The following KCTD8 variants were observed in gnomAD, a reference collection of about 807,000 sequenced individuals.
KCTD8 encodes BTB/POZ domain-containing protein KCTD8.
KCTD8 carries 27 observed loss-of-function variants against 31.5 expected under a neutral mutation model. The ratio of observed to expected loss-of-function variants is 0.86; its 90% CI spans 0.63 to 1.18. The LOEUF (loss-of-function observed/expected upper bound fraction) is 1.18. KCTD8 is among the 50% of genes most tolerant of loss of function. The pLI, the probability that KCTD8 is intolerant of heterozygous loss-of-function variation, is 0.00. For synonymous variants in KCTD8, 290 were observed against 280.0 expected (o/e 1.04, Z -0.36); for missense variants, 658 against 647.7 (o/e 1.02, Z -0.17).
chr4:44,316,619 G>A (rs1383374466), intron 1 of KCTD8, among the ~76,000 whole-genome samples: 2 of 151,820 alleles, frequency 1.3e-5, no homozygotes, highest in African/African-American at 2.4e-5. Context: ...ATTGAGGTAT[G>A]TCAGCAGGTA....
chr4:44,394,068 T>C (rs145845372), intron 1 of KCTD8, among the ~76,000 whole-genome samples: 1 of 152,040 alleles, frequency 6.6e-6, no homozygotes, highest in Non-Finnish European at 1.5e-5. Flanking sequence ...TACTTTCTCA[T>C]TAAATCATTA....
chr4:44,274,233 C>G (rs551269693), intron 1 of KCTD8, among the ~76,000 whole-genome samples: 1 of 151,986 alleles, frequency 6.6e-6, no homozygotes, highest in Non-Finnish European at 1.5e-5. Flanking sequence ...AACTTTCTAA[C>G]TTTAGCAAAG....
At chr4:44,334,415 G>GC (rs1553901962) in intron 1 of KCTD8, among the ~76,000 whole-genome samples, 1 of 151,556 alleles carries the variant, frequency 6.6e-6, no homozygotes, top group Non-Finnish European at 1.5e-5. Context: ...ATCCTCGCTA[G>GC]TTTTTTTATG....
In KCTD8 at chr4:44,291,551, A is replaced by G. The variant is rs116571649; in HGVS notation, c.962-116301T>C. Among the ~76,000 whole-genome samples the G allele has an allele frequency of 8.7e-4, 132 of 152,252 alleles. 1 individual carries two copies. The highest frequency in any genetic ancestry group is 3.1e-3 in the African/African-American group (128 of 41,562). ...GAAAAGCTAGGAAATACCCTTCCCG[A>G]CATTGATCTTGGCTAAGAATTTACG... On this transcript the variant is annotated intron_variant, in intron 1 of 1. Transcript: ENST00000360029.
At chr4:44,430,848 C>T (rs535864969) in intron 1 of KCTD8, among the ~76,000 whole-genome samples, 1 of 151,654 alleles carries the variant, frequency 6.6e-6, no homozygotes, top group South Asian at 2.1e-4. Context: ...TCACCTTTTA[C>T]TCCACCTCCC....
chr4:44,273,120 T>A (rs1716659060), intron 1 of KCTD8, among the ~76,000 whole-genome samples: 1 of 151,958 alleles, frequency 6.6e-6, no homozygotes, highest in Non-Finnish European at 1.5e-5. Context: ...AACAGCTAAC[T>A]TTTTAGCAGC....
At chr4:44,428,700 A>G (rs1269487690) in intron 1 of KCTD8, among the ~76,000 whole-genome samples, 1 of 151,720 alleles carries the variant, frequency 6.6e-6, no homozygotes, top group Admixed American at 6.6e-5. Flanking sequence ...ATTCCCTTCA[A>G]CTCTAAAAGG....
chr4:44,285,843 T>C lies in KCTD8; in HGVS notation c.962-110593A>G, dbSNP rs1036420738. Among the ~76,000 whole-genome samples the C allele has an allele frequency of 2.6e-5, 4 of 152,146 alleles. No homozygotes were observed. In the South Asian group the frequency reaches 8.3e-4, roughly 32 times the overall value. On this transcript the variant is annotated intron_variant, in intron 1 of 1. Transcript: ENST00000360029. ...TGATTCCTCTGATGGATTCCTCTGA[T>C]GGTAAAGTAAACTGAAAACTTGGAA...
intron 1 of KCTD8, among the ~76,000 whole-genome samples, chr4:44,327,212 T>C (rs1366646928): frequency 6.6e-6 from 1 of 151,892 alleles, no homozygotes; most frequent in African/African-American, 2.4e-5. Flanking sequence ...AAAACACACA[T>C]TTTTTGCTGT....
intron 1 of KCTD8, among the ~76,000 whole-genome samples, chr4:44,245,445 T>C (rs1175804351): frequency 1.3e-5 from 2 of 152,136 alleles, no homozygotes; most frequent in Admixed American, 1.3e-4. Flanking sequence ...TATATTTAGC[T>C]AGCAAATATA....
At chr4:44,181,289 A>G (rs1427610936) in intron 1 of KCTD8, among the ~76,000 whole-genome samples, 1 of 149,416 alleles carries the variant, frequency 6.7e-6, no homozygotes, top group Non-Finnish European at 1.5e-5. Flanking sequence ...TCTCCCTCTG[A>G]TGCCGAGCCG....
Position 44,348,766 on chromosome 4 carries a change from C to A in KCTD8, c.961+98797G>T, listed in dbSNP as rs143836267. ...CATTTAAGAACAAAAACACTTCAGA[C>A]ACATGCACAAAAACCGGTTATATGA... is the stretch of plus-strand genomic sequence containing the variant. On this transcript the variant is annotated intron_variant, in intron 1 of 1. Coordinates refer to ENST00000360029, the MANE Select transcript of KCTD8 (RefSeq NM_198353.3). Among the ~76,000 whole-genome samples the A allele has an allele frequency of 2.8e-3, 419 of 152,206 alleles. 1 individual carries two copies. The highest frequency in any genetic ancestry group is 4.0e-3 in the Non-Finnish European group (275 of 68,004).
At chr4:44,276,155 A>G (rs1050550394) in intron 1 of KCTD8, among the ~76,000 whole-genome samples, 8 of 151,990 alleles carry the variant, frequency 5.3e-5, no homozygotes, top group African/African-American at 1.4e-4. Flanking sequence ...TAAGAAAACC[A>G]TATAAAAGTT....
chr4:44,383,155 A>T (rs13105429), intron 1 of KCTD8, among the ~76,000 whole-genome samples: 11,808 of 151,776 alleles, frequency 0.078, 489 homozygotes, highest in South Asian at 0.15. Context: ...AAACGCTGAT[A>T]AAAAAAACTT....
chr4:44,446,846 G>T lies in KCTD8; in HGVS notation c.961+717C>A, dbSNP rs1721949902. Among the ~76,000 whole-genome samples, 3 of 151,736 alleles carry T rather than the reference G, an allele frequency of 2.0e-5. No homozygotes were observed. In the South Asian group the frequency reaches 6.2e-4, roughly 32 times the overall value. The stretch of plus-strand genomic sequence containing the variant: ...AACCCTAAGAGCAGCACTCAGACAT[G>T]CAAACTTTCTAATTCCTTCCACCCT... On this transcript the variant is annotated intron_variant, in intron 1 of 1. Transcript: ENST00000360029.
At chr4:44,247,167 A>G (rs1008176415) in intron 1 of KCTD8, among the ~76,000 whole-genome samples, 2 of 151,960 alleles carry the variant, frequency 1.3e-5, no homozygotes, top group Non-Finnish European at 2.9e-5. Flanking sequence ...GTACCATGCT[A>G]TGCCTCTTCC....
At chr4:44,205,080 A>G (rs1222475226) in intron 1 of KCTD8, among the ~76,000 whole-genome samples, 2 of 152,054 alleles carry the variant, frequency 1.3e-5, no homozygotes, top group African/African-American at 4.8e-5. Context: ...TACCATAAAG[A>G]TGTAATTATC....
chr4:44,285,760 TTTCAA>T (rs1717046726), intron 1 of KCTD8, among the ~76,000 whole-genome samples: 1 of 152,112 alleles, frequency 6.6e-6, no homozygotes, highest in Non-Finnish European at 1.5e-5. Flanking sequence ...TAATTCTGAT[TTTCAA>T]GTCTTCTTAT....
chr4:44,307,381 G>A (rs1717833607), intron 1 of KCTD8, among the ~76,000 whole-genome samples: 1 of 151,824 alleles, frequency 6.6e-6, no homozygotes, highest in Admixed American at 6.6e-5. Context: ...CCTAAAACTG[G>A]TCTGTAATGG....
Sources: gnomAD v4.1 joint callset for allele counts (sites outside exome capture counted in the v4.1 genomes callset) on GRCh38, gnomAD v4.1.1 for gene constraint, MANE v1.5 for transcripts, NCBI Gene and HGNC (gene_info 2026-07-23, HGNC 2026-07-21) for gene names.